Variants in TNIK observed in about 807,000 individuals in gnomAD.
The protein encoded by TNIK is TRAF2 and NCK interacting kinase, also known as TRAF2 and NCK-interacting protein kinase.
TNIK carries 49 observed loss-of-function variants against 191.3 expected under a neutral mutation model. That is an observed-to-expected ratio of 0.26 (90% CI 0.20 to 0.32). The LOEUF is 0.32. TNIK is among the 10% of genes least tolerant of loss of function. The pLI is 1.00. For synonymous variants in TNIK, 594 were observed against 600.9 expected, an observed-to-expected ratio of 0.99 and a Z score of 0.17; for missense variants, 1,155 against 1,702.3, an observed-to-expected ratio of 0.68 and a Z score of 5.66.
Position 171,061,239 on chromosome 3 carries a change from C to G in TNIK, c.*2642G>C, listed in dbSNP as rs1486056176. ...AAGCTTCAGTGAATTCTTTAAATAT[C>G]TGTCTTTTAAAGAGCACAGATTTCT... On this transcript the variant is annotated 3_prime_UTR_variant, in exon 33 of 33. Transcript: ENST00000436636. 2 of 152,148 alleles carry G rather than the reference C, an allele frequency of 1.3e-5. No homozygotes were observed. Among genetic ancestry groups the G allele is most frequent in the African/African-American group, 4.8e-5 (2 of 41,430 alleles). The allele number at this position is 152,148 out of a possible 1,614,324, so 9.4% of individuals were successfully genotyped here.
At chr3:171,305,824 A>G (rs889739073) in intron 2 of TNIK, among the ~76,000 whole-genome samples, 2 of 152,302 alleles carry the variant, frequency 1.3e-5, no homozygotes, top group Admixed American at 6.5e-5. Flanking sequence ...CGAAGAACCT[A>G]AAACAGAACT....
At chr3:171,403,560 GC>G (rs1175460315) in intron 1 of TNIK, among the ~76,000 whole-genome samples, 1 of 147,360 alleles carries the variant, frequency 6.8e-6, no homozygotes, top group African/African-American at 2.5e-5. Flanking sequence ...GTTGCAGTGA[GC>G]CGGGATCGTG....
chr3:171,329,861 C>T (rs1215374019), intron 2 of TNIK, among the ~76,000 whole-genome samples: 1 of 152,172 alleles, frequency 6.6e-6, no homozygotes, highest in Non-Finnish European at 1.5e-5. Flanking sequence ...TTCTTTATGG[C>T]TTCCAGCTTT....
intron 15 of TNIK, among the ~76,000 whole-genome samples, chr3:171,132,839 G>T (rs757942490): frequency 2.0e-5 from 3 of 152,130 alleles, no homozygotes; most frequent in Non-Finnish European, 2.9e-5. Context: ...GTCTCAGAAG[G>T]CTTTACTTAA....
At chr3:171,317,378 G>C (rs1052339095) in intron 2 of TNIK, among the ~76,000 whole-genome samples, 4 of 152,166 alleles carry the variant, frequency 2.6e-5, no homozygotes, top group Non-Finnish European at 1.5e-5. Flanking sequence ...TGGGATGTGG[G>C]AGAGACACTC....
intron 1 of TNIK, among the ~76,000 whole-genome samples, chr3:171,382,411 G>C (rs1718165824): frequency 1.3e-5 from 2 of 152,058 alleles, no homozygotes; most frequent in Non-Finnish European, 2.9e-5. Context: ...AGGAGAGACA[G>C]GGTTTCACCA....
At position 171,388,000 on chromosome 3, in the gene TNIK, G is replaced by C. The variant is rs200678633; in HGVS notation, c.58-18315C>G. On this transcript the variant is annotated intron_variant, in intron 1 of 32. Coordinates refer to ENST00000436636, the MANE Select transcript of TNIK (RefSeq NM_015028.4). ...GAGTGTGGGGGGAGGGGACGGGGGG[G>C]AGCAGATCTTTCCAAAGAAAGATTG... Among the ~76,000 whole-genome samples, 41 of 146,852 alleles carry C rather than the reference G, an allele frequency of 2.8e-4. No homozygotes were observed. In the East Asian group the frequency reaches 2.9e-3, roughly 10 times the overall value.
At chr3:171,448,194 G>C (rs1727738240) in intron 1 of TNIK, among the ~76,000 whole-genome samples, 1 of 151,982 alleles carries the variant, frequency 6.6e-6, no homozygotes, top group South Asian at 2.1e-4. Flanking sequence ...CATTCCATAA[G>C]ACTTACTCTT....
chr3:171,119,441 G>A (rs911101435), intron 18 of TNIK, among the ~76,000 whole-genome samples: 1 of 152,172 alleles, frequency 6.6e-6, no homozygotes, highest in Non-Finnish European at 1.5e-5. Flanking sequence ...CCATTACTGG[G>A]TATATACCCA....
chr3:171,086,200 C>T (rs1453646133), intron 24 of TNIK, among the ~76,000 whole-genome samples: 2 of 152,122 alleles, frequency 1.3e-5, no homozygotes, highest in African/African-American at 2.4e-5. Flanking sequence ...CATCCAAGAC[C>T]TCTAAACATA....
intron 2 of TNIK, among the ~76,000 whole-genome samples, chr3:171,297,610 G>C (rs1485162932): frequency 6.6e-6 from 1 of 152,088 alleles, no homozygotes; most frequent in Non-Finnish European, 1.5e-5. Context: ...ATCACTGATA[G>C]GTCATATAAA....
intron 12 of TNIK, among the ~76,000 whole-genome samples, chr3:171,156,454 AG>A (rs1733187115): frequency 6.6e-6 from 1 of 152,214 alleles, no homozygotes; most frequent in African/African-American, 2.4e-5. Context: ...ATGAGAAGCA[AG>A]CTGGTGTTCG....
At chr3:171,076,849 T>C (rs936061223) in intron 28 of TNIK, among the ~76,000 whole-genome samples, 1 of 152,156 alleles carries the variant, frequency 6.6e-6, no homozygotes, top group African/African-American at 2.4e-5. Flanking sequence ...TCACAGACAT[T>C]ATTTACTGAC....
At chr3:171,097,239 G>T (rs1002102127) in intron 22 of TNIK, among the ~76,000 whole-genome samples, 1 of 152,130 alleles carries the variant, frequency 6.6e-6, no homozygotes, top group Non-Finnish European at 1.5e-5. Flanking sequence ...GAGAAATGTG[G>T]CAAAAAGGCA....
intron 2 of TNIK, among the ~76,000 whole-genome samples, chr3:171,295,927 C>A (rs1415103210): frequency 6.6e-6 from 1 of 152,170 alleles, no homozygotes; most frequent in Non-Finnish European, 1.5e-5. Context: ...GGGCCTAATG[C>A]AAGGTCGAGT....
In TNIK at chr3:171,346,946, C is replaced by G. The variant is rs61568432; in HGVS notation, c.123+22674G>C. The stretch of plus-strand genomic sequence containing the variant: ...CAGGAGAGAGACATGATCAAATAAG[C>G]ATTTTAATATGACTTTACTGGCTGC... On this transcript the variant is annotated intron_variant, in intron 2 of 32. Transcript: ENST00000436636. The G allele has an allele frequency of 4.0e-3, 2,071 of 511,800 alleles. 27 individuals are homozygous for G. Among genetic ancestry groups the G allele is most frequent in the African/African-American group, 0.037 (1,904 of 51,218 alleles). 31.7% of individuals were successfully genotyped at this position (511,800 alleles called of 1,614,324 possible). A position where few individuals can be genotyped will look rare whatever the true frequency, so the allele number is the denominator to read the frequency against.
intron 4 of TNIK, among the ~76,000 whole-genome samples, chr3:171,202,846 G>A (rs947980918): frequency 5.3e-5 from 8 of 152,114 alleles, no homozygotes; most frequent in African/African-American, 1.9e-4. Context: ...ACCATGTTAG[G>A]CATATCTATA....
chr3:171,436,631 G>A (rs531660974), intron 1 of TNIK, among the ~76,000 whole-genome samples: 5 of 152,288 alleles, frequency 3.3e-5, no homozygotes, highest in African/African-American at 4.8e-5. Context: ...AAACAAATGA[G>A]ATAAGCCAGA....
At chr3:171,415,273 A>G (rs1722909274) in intron 1 of TNIK, among the ~76,000 whole-genome samples, 1 of 152,160 alleles carries the variant, frequency 6.6e-6, no homozygotes, top group Admixed American at 6.6e-5. Flanking sequence ...CTGTTTCATC[A>G]TAGCACTTAA....
Sources: allele counts gnomAD v4.1 joint callset (sites outside exome capture counted in the v4.1 genomes callset), GRCh38; gene constraint gnomAD v4.1.1; transcripts MANE v1.5; gene names NCBI Gene and HGNC (gene_info 2026-07-23, HGNC 2026-07-21).